ABCA13: variants seen among roughly 807,000 people sequenced by gnomAD.
ABCA13 encodes ATP-binding cassette sub-family A member 13.
In ABCA13, 476 loss-of-function variants were observed where a neutral mutation model predicts 478.7. The ratio of observed to expected loss-of-function variants is 0.99; its 90% CI spans 0.92 to 1.07. The LOEUF is 1.07. Ranked by LOEUF, ABCA13 falls within the 50% of genes least tolerant of loss-of-function variation. ABCA13 has a pLI of 0.00. For synonymous variants in ABCA13, 2,252 were observed against 2,158.9 expected (o/e 1.04, Z -1.20); for missense variants, 6,060 against 5,910.6 (o/e 1.03, Z -0.83).
In ABCA13 at chr7:48,380,993, G is replaced by A. The variant is rs73697158; in HGVS notation, c.11335+4421G>A. On this transcript the variant is annotated intron_variant, in intron 35 of 61. Transcript: ENST00000435803. Reference sequence around the variant, plus strand: ...GAAGAGCCTGATGAAATTATTCACAGTAGTTAATTAGAAATGTACTTGCCC... The same window carrying A: ...GAAGAGCCTGATGAAATTATTCACAATAGTTAATTAGAAATGTACTTGCCC... Among the ~76,000 whole-genome samples the A allele has an allele frequency of 3.9e-3, 592 of 152,270 alleles. 2 individuals carry two copies. The highest frequency in any genetic ancestry group is 0.013 in the African/African-American group (560 of 41,538).
intron 15 of ABCA13, among the ~76,000 whole-genome samples, chr7:48,254,930 C>A (rs2128707468): frequency 6.6e-6 from 1 of 152,292 alleles, no homozygotes; most frequent in Admixed American, 6.5e-5. Flanking sequence ...CAGTTGCCCA[C>A]AGTGGAAAAG....
chr7:48,212,049 C>A (rs544799506), intron 3 of ABCA13, among the ~76,000 whole-genome samples: 2 of 152,108 alleles, frequency 1.3e-5, no homozygotes, highest in Non-Finnish European at 2.9e-5. Context: ...GCCTGCCTGC[C>A]ACTCAAATTT....
intron 34 of ABCA13, 51 bp from the exon 35 acceptor site, chr7:48,376,390 A>G (rs554786165): frequency 1.9e-6 from 3 of 1,581,602 alleles, no homozygotes; most frequent in South Asian, 1.2e-5. Context: ...GACAAAATCT[A>G]CCATAAAAGA....
intron 26 of ABCA13, among the ~76,000 whole-genome samples, chr7:48,314,773 A>T (rs539958911): frequency 6.6e-6 from 1 of 152,304 alleles, no homozygotes; most frequent in South Asian, 2.1e-4. Flanking sequence ...TAACGAAGAG[A>T]ACTTGTCTGT....
chr7:48,506,309 G>A (rs181316953), intron 48 of ABCA13, 27 bp from the exon 49 acceptor site: 3 of 1,612,500 alleles, frequency 1.9e-6, no homozygotes, highest in Non-Finnish European at 2.5e-6. Context: ...CAGGCTGAAG[G>A]CTCACTTTTC....
chr7:48,457,300 C>T (rs1825783259), intron 43 of ABCA13, among the ~76,000 whole-genome samples: 1 of 151,848 alleles, frequency 6.6e-6, no homozygotes, highest in Non-Finnish European at 1.5e-5. Flanking sequence ...TGTATTTCCA[C>T]ATCATATTTT....
rs543923680 is a variant in ABCA13, at chr7:48,203,184, C to CA, written c.287+4825dup. 7.9e-4 allele frequency among the ~76,000 whole-genome samples: 121 copies of CA among 152,288 alleles called. No homozygotes were observed. The Middle Eastern group carries it at 0.014, about 17-fold the overall frequency. On this transcript the variant is annotated intron_variant, in intron 3 of 61. Coordinates refer to ENST00000435803, the MANE Select transcript of ABCA13 (RefSeq NM_152701.5). ...TAAGTCCCTCATTGCCTGGGGCCGG[C>CA]AGGGCCGGCCGGCTGCTCCGAGTGC...
intron 35 of ABCA13, among the ~76,000 whole-genome samples, chr7:48,378,587 A>G (rs1423980550): frequency 6.6e-6 from 1 of 152,090 alleles, no homozygotes; most frequent in East Asian, 1.9e-4. Flanking sequence ...CCCTCCCATT[A>G]GGTGAAGGTT....
intron 46 of ABCA13, among the ~76,000 whole-genome samples, chr7:48,482,230 G>T (rs984495813): frequency 2.0e-5 from 3 of 152,132 alleles, no homozygotes; most frequent in Admixed American, 2.0e-4. Context: ...GAAATACAGG[G>T]TATTGTGGGA....
At chr7:48,644,589 C>CTTT (rs71006572) in intron 60 of ABCA13, 28 bp from the exon 61 acceptor site, 121 of 1,413,204 alleles carry the variant, frequency 8.6e-5, no homozygotes, top group Middle Eastern at 2.6e-4. Flanking sequence ...TTATATGATA[C>CTTT]TTTTTTTTTT....
intron 56 of ABCA13, among the ~76,000 whole-genome samples, chr7:48,582,609 G>T (rs6583455): frequency 0.094 from 14,279 of 152,132 alleles, 1,139 homozygotes; most frequent in African/African-American, 0.22. Flanking sequence ...CTGTGCTTGC[G>T]GGGAGGCTCC....
intron 27 of ABCA13, among the ~76,000 whole-genome samples, chr7:48,331,865 C>A (rs1805454367): frequency 6.6e-6 from 1 of 152,134 alleles, no homozygotes; most frequent in East Asian, 1.9e-4. Flanking sequence ...TCTTGCTTTA[C>A]CTTTCATAAC....
At chr7:48,590,565 T>A (rs1253190232) in intron 57 of ABCA13, among the ~76,000 whole-genome samples, 2 of 152,186 alleles carry the variant, frequency 1.3e-5, no homozygotes, top group Non-Finnish European at 2.9e-5. Flanking sequence ...ACCTCCACAC[T>A]GTTTTCCATA....
chr7:48,202,871 C>T (rs899010513), intron 3 of ABCA13, among the ~76,000 whole-genome samples: 2 of 152,250 alleles, frequency 1.3e-5, no homozygotes, highest in Non-Finnish European at 2.9e-5. Context: ...CGCACCAGGG[C>T]TGCAGGTGGA....
intron 60 of ABCA13, 109 bp from the exon 61 acceptor site, chr7:48,644,508 G>A: frequency 1.7e-6 from 2 of 1,193,220 alleles, no homozygotes; most frequent in Non-Finnish European, 2.3e-6. Context: ...ATTAAGTGTA[G>A]GTTGAGAAAA....
intron 59 of ABCA13, among the ~76,000 whole-genome samples, chr7:48,641,456 A>G (rs1266350868): frequency 6.6e-6 from 1 of 152,204 alleles, no homozygotes; most frequent in Non-Finnish European, 1.5e-5. Flanking sequence ...GTTCCAAGTA[A>G]TTTGCAAGGA....
intron 15 of ABCA13, among the ~76,000 whole-genome samples, chr7:48,261,366 A>G (rs984402306): frequency 6.6e-5 from 10 of 151,850 alleles, no homozygotes; most frequent in African/African-American, 2.2e-4. Context: ...TTTAGTCCAA[A>G]TATTCTGAGA....
chr7:48,610,117 G>A (rs1791880814), intron 58 of ABCA13, among the ~76,000 whole-genome samples: 1 of 152,064 alleles, frequency 6.6e-6, no homozygotes, highest in Non-Finnish European at 1.5e-5. Context: ...AAAAGTCAAG[G>A]CCCTTCTGCA....
intron 31 of ABCA13, 94 bp from the exon 32 acceptor site, chr7:48,367,700 C>A: frequency 1.1e-6 from 1 of 950,812 alleles, no homozygotes; most frequent in Non-Finnish European, 1.7e-6. Flanking sequence ...AGATATCACT[C>A]CTGAAAGAGC....
Sources: gnomAD v4.1 joint callset for allele counts (sites outside exome capture counted in the v4.1 genomes callset) on GRCh38, gnomAD v4.1.1 for gene constraint, MANE v1.5 for transcripts, NCBI Gene and HGNC (gene_info 2026-07-23, HGNC 2026-07-21) for gene names.